Variants in TMEM65 observed in about 807,000 individuals in gnomAD.
TMEM65 encodes transmembrane protein 65.
TMEM65 carries 22 observed loss-of-function variants against 25.4 expected under a neutral mutation model. That is an observed-to-expected ratio of 0.86 (90% CI 0.62 to 1.23). The LOEUF (loss-of-function observed/expected upper bound fraction) is 1.23, where lower values mean the gene tolerates loss of function less well. Among genes scored for constraint, TMEM65 ranks in the 50% most tolerant of loss-of-function variants. The probability of loss-of-function intolerance (pLI) is 0.00; values close to 1 mark genes in which losing one functional copy is unlikely to be tolerated. For missense variants in TMEM65, 262 were observed against 308.2 expected (o/e 0.85, Z 1.12); for synonymous variants, 132 against 126.2 (o/e 1.05, Z -0.31).
rs542314172 is a variant in TMEM65 at position 124,313,133 on chromosome 8, T to C, written c.*827A>G. On this transcript the variant is annotated 3_prime_UTR_variant, in exon 7 of 7. Coordinates refer to ENST00000297632, the MANE Select transcript of TMEM65 (RefSeq NM_194291.3). Reference sequence around the variant, plus strand: ...AGTCTCTTAATTTCCAAGCATCATGTTAAATCCCTTAGTTCAATCTAATTC... The same window carrying C: ...AGTCTCTTAATTTCCAAGCATCATGCTAAATCCCTTAGTTCAATCTAATTC... The C allele has an allele frequency of 1.4e-4, 21 of 152,084 alleles. No homozygotes were observed. In the South Asian group the frequency reaches 3.5e-3, roughly 26 times the overall value. The allele number at this position is 152,084 out of a possible 1,614,324, so 9.4% of individuals were successfully genotyped here.
Position 124,372,027 on chromosome 8 carries a change from G to C in TMEM65, c.131C>G (p.Pro44Arg), listed in dbSNP as rs1050898420. Residue 44 changes from proline (P) to arginine (R), a missense_variant, in exon 1 of 7, where the codon CCC (proline) becomes CGC (arginine). Pro to Arg is a moderately radical substitution (Grantham distance 103). Transcript: ENST00000297632. ...CGRGLLALAP[P>R]GGLPGGPRRL... The stretch of plus-strand genomic sequence containing the variant: ...CCTGGGGCCGCCCGGCAAGCCGCCG[G>C]GGGGCGCGAGCGCCAGCAGCCCCCG... 2.1e-4 allele frequency: 271 copies of C among 1,265,934 alleles called. No homozygotes were observed. In the African/African-American group the frequency reaches 3.9e-3, roughly 18 times the overall value. The allele number at this position is 1,265,934 out of a possible 1,614,324, so 78.4% of individuals were successfully genotyped here.
intron 6 of TMEM65, among the ~76,000 whole-genome samples, 160 bp from the exon 7 acceptor site, chr8:124,314,221 G>C (rs1352003583): frequency 6.6e-6 from 1 of 152,022 alleles, no homozygotes; most frequent in East Asian, 1.9e-4. Flanking sequence ...ATTATATGTA[G>C]ATATAATCAT....
At chr8:124,320,736 T>G (rs997971822) in intron 5 of TMEM65, among the ~76,000 whole-genome samples, 13 of 152,196 alleles carry the variant, frequency 8.5e-5, no homozygotes, top group African/African-American at 2.7e-4. Context: ...GATACATCCT[T>G]ACTTTATGAA....
chr8:124,357,829 CTTTTTT>C (rs35830531), intron 1 of TMEM65, among the ~76,000 whole-genome samples: 1 of 105,848 alleles, frequency 9.4e-6, no homozygotes, highest in Non-Finnish European at 1.8e-5. Context: ...ACTTTTTTAT[CTTTTTT>C]TTTTTTTTTT....
chr8:124,322,873 G>C (rs1438056553), intron 4 of TMEM65, among the ~76,000 whole-genome samples: 1 of 152,008 alleles, frequency 6.6e-6, no homozygotes, highest in Non-Finnish European at 1.5e-5. Context: ...GCAGGCGCCA[G>C]TAGTCCCAGC....
chr8:124,337,416 TAA>T, intron 1 of TMEM65, among the ~76,000 whole-genome samples: 1 of 152,088 alleles, frequency 6.6e-6, no homozygotes, highest in Admixed American at 6.5e-5. Flanking sequence ...TTCCGAAGTA[TAA>T]GAGTTTATTC....
intron 1 of TMEM65, among the ~76,000 whole-genome samples, chr8:124,358,284 C>A (rs1176168273): frequency 1.3e-5 from 2 of 152,184 alleles, no homozygotes; most frequent in Non-Finnish European, 2.9e-5. Flanking sequence ...CTCATTATGT[C>A]TGGCACACAA....
At chr8:124,332,752 C>T (rs1434818669) in intron 1 of TMEM65, among the ~76,000 whole-genome samples, 1 of 152,028 alleles carries the variant, frequency 6.6e-6, no homozygotes, top group African/African-American at 2.4e-5. Flanking sequence ...ATGAAAAGAA[C>T]ATTTCCTAGA....
intron 6 of TMEM65, among the ~76,000 whole-genome samples, chr8:124,319,079 T>C (rs1814274189): frequency 6.6e-6 from 1 of 152,330 alleles, no homozygotes; most frequent in South Asian, 2.1e-4. Context: ...TCAAAACTCC[T>C]GTATCTCTAC....
chr8:124,360,429 CA>C (rs55829098), intron 1 of TMEM65, among the ~76,000 whole-genome samples: 6,417 of 70,582 alleles, frequency 0.091, 238 homozygotes, highest in African/African-American at 0.26. Context: ...GACTCTGTCA[CA>C]AAAAAAAAAA....
intron 5 of TMEM65, among the ~76,000 whole-genome samples, chr8:124,320,460 C>A (rs1814290257): frequency 6.6e-6 from 1 of 151,968 alleles, no homozygotes; most frequent in African/African-American, 2.4e-5. Flanking sequence ...ATATTTAACA[C>A]AAAGGAAAAT....
intron 6 of TMEM65, among the ~76,000 whole-genome samples, chr8:124,318,623 G>C (rs377108913): frequency 6.6e-6 from 1 of 151,776 alleles, no homozygotes; most frequent in Admixed American, 6.6e-5. Context: ...TGATCCACCC[G>C]CCTCGGCCTC....
chr8:124,366,272 C>G (rs1008974002), intron 1 of TMEM65, among the ~76,000 whole-genome samples: 9 of 152,186 alleles, frequency 5.9e-5, no homozygotes, highest in Non-Finnish European at 2.9e-5. Flanking sequence ...TACCCAGCCC[C>G]CTTGGAACAT....
In TMEM65 at chr8:124,312,851, G is replaced by C. The variant is rs949294744; in HGVS notation, c.*1109C>G. 2 of 151,458 alleles carry C rather than the reference G, an allele frequency of 1.3e-5. No individual in the cohort carries two copies. Among genetic ancestry groups the C allele is most frequent in the African/African-American group, 4.8e-5 (2 of 41,268 alleles). The allele number at this position is 151,458 out of a possible 1,614,324, so 9.4% of individuals were successfully genotyped here. Reference sequence around the variant, plus strand: ...AAAAAAGCAAAATATTAAATATCTAGTTTTCACTTCAACAGAAATTATTCA... The same window carrying C: ...AAAAAAGCAAAATATTAAATATCTACTTTTCACTTCAACAGAAATTATTCA... On this transcript the variant is annotated 3_prime_UTR_variant, in exon 7 of 7. Transcript: ENST00000297632.
chr8:124,357,736 A>AT lies in TMEM65; in HGVS notation c.304+14117dup, dbSNP rs550634983. Among the ~76,000 whole-genome samples, 357 of 151,848 alleles carry AT rather than the reference A, an allele frequency of 2.4e-3. 2 individuals are homozygous for AT. The highest frequency in any genetic ancestry group is 8.2e-3 in the African/African-American group (339 of 41,456). On this transcript the variant is annotated intron_variant, in intron 1 of 6. Transcript: ENST00000297632. ...TCCCCATGTGTTTAAAATCCTGGAT[A>AT]TAAGTATCCAGAGAGGGGCAGTAAG...
intron 5 of TMEM65, among the ~76,000 whole-genome samples, chr8:124,320,621 CAA>C (rs1179336046): frequency 6.6e-6 from 1 of 152,100 alleles, no homozygotes; most frequent in Admixed American, 6.6e-5. Context: ...TATCAGACAG[CAA>C]AAGTTTCCAA....
In TMEM65 at chr8:124,372,027, G is replaced by A. The variant is rs1050898420; in HGVS notation, c.131C>T (p.Pro44Leu). The change falls in exon 1 of 7, where the codon CCC (proline) becomes CTC (leucine). Residue 44 changes from proline to leucine, a missense_variant. Transcript: ENST00000297632. ...CCTGGGGCCGCCCGGCAAGCCGCCG[G>A]GGGGCGCGAGCGCCAGCAGCCCCCG... ...CGRGLLALAP[P>L]GGLPGGPRRL... 1.6e-6 allele frequency: 2 copies of A among 1,265,934 alleles called. No homozygotes were observed. The highest frequency in any genetic ancestry group is 9.9e-7 in the Non-Finnish European group (1 of 1,005,042). The allele number at this position is 1,265,934 out of a possible 1,614,324, so 78.4% of individuals were successfully genotyped here. A position where few individuals can be genotyped will look rare whatever the true frequency, so the allele number is the denominator to read the frequency against.
At chr8:124,324,195 A>T (rs575204745) in intron 3 of TMEM65, among the ~76,000 whole-genome samples, 24 of 152,212 alleles carry the variant, frequency 1.6e-4, no homozygotes, top group African/African-American at 4.3e-4. Flanking sequence ...GAACATTTCT[A>T]AAAAATGCTT....
chr8:124,358,586 CA>C (rs1441887510), intron 1 of TMEM65, among the ~76,000 whole-genome samples: 1 of 152,222 alleles, frequency 6.6e-6, no homozygotes, highest in Non-Finnish European at 1.5e-5. Flanking sequence ...TTCTGCACCT[CA>C]CTTCCATTTT....
Sources: gnomAD v4.1 joint callset for allele counts (sites outside exome capture counted in the v4.1 genomes callset) on GRCh38, gnomAD v4.1.1 for gene constraint, MANE v1.5 for transcripts, NCBI Gene and HGNC (gene_info 2026-07-23, HGNC 2026-07-21) for gene names.